CDC7: variants seen among roughly 807,000 people sequenced by gnomAD.
CDC7 encodes the protein cell division cycle 7.
CDC7 carries 34 observed loss-of-function variants against 53.5 expected under a neutral mutation model. That is an observed-to-expected ratio of 0.64 (90% confidence interval 0.48 to 0.85). The LOEUF is 0.85. Among genes scored for constraint, CDC7 ranks in the 40% least tolerant of loss-of-function variants. The pLI, the probability that CDC7 is intolerant of heterozygous loss-of-function variation, is 0.00. For missense variants in CDC7, 594 were observed against 679.7 expected, an observed-to-expected ratio of 0.87 and a Z score of 1.40; for synonymous variants, 211 against 222.8, an observed-to-expected ratio of 0.95 and a Z score of 0.47.
At chr1:91,511,130 C>T (rs914249774) in intron 4 of CDC7, among the ~76,000 whole-genome samples, 3 of 152,112 alleles carry the variant, frequency 2.0e-5, no homozygotes, top group Non-Finnish European at 4.4e-5. Flanking sequence ...TGTTTTCTTA[C>T]TCAGGCTCAA....
In CDC7 at chr1:91,524,374, C is replaced by G; in HGVS notation, c.1664C>G (p.Ala555Gly). 3 of 1,613,006 alleles carry G rather than the reference C, an allele frequency of 1.9e-6. No individual in the cohort carries two copies. Among genetic ancestry groups the G allele is most frequent in the Non-Finnish European group, 2.5e-6 (3 of 1,179,746 alleles). ...GATAAACTTCTAGATCTAAATCCAGCTTCAAGAATAACAGCAGAAGAAGCT... is the reference window on the plus strand; with the variant it reads ...GATAAACTTCTAGATCTAAATCCAGGTTCAAGAATAACAGCAGAAGAAGCT... ...LLDKLLDLNP[A>G]SRITAEEALL... is the part of the protein sequence containing the mutation. The change falls in exon 12 of 12, where the codon GCT (alanine) becomes GGT (glycine). Residue 555 changes from alanine to glycine, a missense_variant. Coordinates refer to ENST00000234626, the MANE Select transcript of CDC7 (RefSeq NM_003503.4).
Position 91,524,161 on chromosome 1 carries a change from C to T in CDC7, c.1451C>T (p.Ser484Phe), listed in dbSNP as rs575030666. The change falls in exon 12 of 12, where the codon TCT becomes TTT. Residue 484 changes from serine (S) to phenylalanine (F), a missense_variant. Transcript: ENST00000234626. ...KLTSDIQGHA[S>F]HQPAISEKTD... Reference sequence around the variant, plus strand: ...ACAAGTGATATACAAGGGCATGCTTCTCATCAACCAGCTATTTCAGAGAAG... The same window carrying T: ...ACAAGTGATATACAAGGGCATGCTTTTCATCAACCAGCTATTTCAGAGAAG... 6.2e-7 allele frequency: 1 copy of T among 1,614,054 alleles called. No individual in the cohort carries two copies. The highest frequency in any genetic ancestry group is 1.1e-5 in the South Asian group (1 of 91,070).
At chr1:91,502,012 ACTGTAATACAAC>A (rs1666717145) in intron 2 of CDC7, among the ~76,000 whole-genome samples, 181 bp downstream of exon 2, 1 of 152,192 alleles carries the variant, frequency 6.6e-6, no homozygotes, top group Non-Finnish European at 1.5e-5. Context: ...GATTTGGAAG[ACTGTAATACAAC>A]CTGTTTTACG....
intron 10 of CDC7, among the ~76,000 whole-genome samples, chr1:91,516,286 T>C (rs1192809383): frequency 6.6e-6 from 1 of 152,140 alleles, no homozygotes; most frequent in Non-Finnish European, 1.5e-5. Flanking sequence ...AAGTTTCCTG[T>C]GATGTAGATA....
chr1:91,501,463 C>A (rs1666671166), intron 1 of CDC7, 191 bp from the exon 2 acceptor site: 1 of 389,478 alleles, frequency 2.6e-6, no homozygotes, highest in Non-Finnish European at 4.6e-6. Flanking sequence ...CCTGCAGCCC[C>A]CTGCCGGTGT....
chr1:91,512,826 T>C (rs1249638210), intron 6 of CDC7, among the ~76,000 whole-genome samples: 2 of 152,180 alleles, frequency 1.3e-5, no homozygotes, highest in Non-Finnish European at 2.9e-5. Flanking sequence ...CACAGACCAC[T>C]GGAAAAAGAA....
intron 11 of CDC7, among the ~76,000 whole-genome samples, chr1:91,523,778 G>C (rs1281531839): frequency 1.3e-5 from 2 of 152,172 alleles, no homozygotes; most frequent in Non-Finnish European, 2.9e-5. Flanking sequence ...GCAGAGTCAA[G>C]TGAGTGCCTG....
Position 91,501,822 on chromosome 1 carries a change from A to T in CDC7, c.106A>T (p.Lys36Ter). 6.2e-7 allele frequency: 1 copy of T among 1,612,262 alleles called. No homozygotes were observed. Among genetic ancestry groups the T allele is most frequent in the Non-Finnish European group, 8.5e-7 (1 of 1,178,282 alleles). The part of the protein sequence containing the change: ...GSLKKNEQNF[K>*]LAGVKKDIEK... ...TTTAAAAAAAAACGAGCAGAATTTT[A>T]AACTTGCAGGTACGTGTTTAAATCC... is the stretch of plus-strand genomic sequence containing the variant. The change falls in exon 2 of 12, where the codon AAA (lysine) becomes TAA (stop). Residue 36 changes from lysine (K) to a stop codon, truncating the protein, a stop_gained. Coordinates refer to ENST00000234626, the MANE Select transcript of CDC7 (RefSeq NM_003503.4). LOFTEE classifies it high-confidence loss of function.
intron 4 of CDC7, 125 bp downstream of exon 4, chr1:91,508,522 T>A: frequency 1.4e-6 from 1 of 704,112 alleles, no homozygotes; most frequent in Non-Finnish European, 2.3e-6. Context: ...GTGTTTGCAA[T>A]TTGCTAGCAC....
In CDC7 at chr1:91,524,516, G is replaced by C. The variant is rs1326797916; in HGVS notation, c.*81G>C. The C allele has an allele frequency of 9.5e-7, 1 of 1,049,734 alleles. No individual in the cohort carries two copies. The highest frequency in any genetic ancestry group is 1.6e-5 in the African/African-American group (1 of 62,738). The allele number at this position is 1,049,734 out of a possible 1,614,324, so 65.0% of individuals were successfully genotyped here. On this transcript the variant is annotated 3_prime_UTR_variant, in exon 12 of 12. Coordinates refer to ENST00000234626, the MANE Select transcript of CDC7 (RefSeq NM_003503.4). ...TGTAATAGCCACAAGTTCTTGTTTA[G>C]AGACCAGAGCAGGATTAATAATTTA...
intron 10 of CDC7, among the ~76,000 whole-genome samples, chr1:91,518,495 G>A (rs949341590): frequency 1.1e-4 from 17 of 152,116 alleles, no homozygotes; most frequent in Admixed American, 2.0e-4. Context: ...CTAAGTGTCC[G>A]TCAACAGATG....
chr1:91,512,092 G>A (rs1667318142), intron 6 of CDC7, among the ~76,000 whole-genome samples, 169 bp downstream of exon 6: 1 of 151,972 alleles, frequency 6.6e-6, no homozygotes, highest in Non-Finnish European at 1.5e-5. Context: ...TACGGCAAGA[G>A]CAGCTAAAAT....
At position 91,524,064 on chromosome 1, in the gene CDC7, G is replaced by A. The variant is rs911477809; in HGVS notation, c.1354G>A (p.Glu452Lys). 1.3e-6 allele frequency: 2 copies of A among 1,599,298 alleles called. No individual in the cohort carries two copies. Among genetic ancestry groups the A allele is most frequent in the African/African-American group, 1.3e-5 (1 of 74,160 alleles). The stretch of plus-strand genomic sequence containing the variant: ...AGGGAAATCAATATTATGTAGCAAA[G>A]AAGTTCCAGCACAAGACTTGAGAAA... ...TFGKSILCSK[E>K]VPAQDLRKLC... is the part of the protein sequence containing the mutation. Residue 452 changes from glutamate (E) to lysine (K), a missense_variant, in exon 12 of 12, where the codon GAA becomes AAA. Coordinates refer to ENST00000234626, the MANE Select transcript of CDC7 (RefSeq NM_003503.4).
intron 6 of CDC7, among the ~76,000 whole-genome samples, chr1:91,512,182 A>G (rs1667320522): frequency 6.6e-6 from 1 of 152,022 alleles, no homozygotes; most frequent in African/African-American, 2.4e-5. Context: ...GTCTAGATTT[A>G]TTTATCCTAC....
At chr1:91,520,501 C>T (rs1449116278) in intron 11 of CDC7, among the ~76,000 whole-genome samples, 1 of 152,082 alleles carries the variant, frequency 6.6e-6, no homozygotes, top group Non-Finnish European at 1.5e-5. Context: ...TACACTGTTG[C>T]AGTATTTAAA....
chr1:91,510,395 C>T (rs1667221030), intron 4 of CDC7, among the ~76,000 whole-genome samples: 2 of 151,948 alleles, frequency 1.3e-5, no homozygotes, highest in Admixed American at 1.3e-4. Context: ...TAGTAAACTC[C>T]ATGAGGACAG....
chr1:91,501,912 T>C (rs568634978), intron 2 of CDC7, 81 bp downstream of exon 2: 2 of 981,702 alleles, frequency 2.0e-6, no homozygotes, highest in Non-Finnish European at 3.2e-6. Context: ...TCTCAAAAAA[T>C]AAGATTGAAT....
At chr1:91,513,781 T>G (rs930896059) in intron 7 of CDC7, among the ~76,000 whole-genome samples, 167 bp from the exon 8 acceptor site, 35 of 152,192 alleles carry the variant, frequency 2.3e-4, no homozygotes, top group African/African-American at 8.4e-4. Context: ...GAGTTCTGTC[T>G]AGACTATTTT....
chr1:91,515,649 C>A, intron 9 of CDC7, 145 bp from the exon 10 acceptor site: 3 of 911,040 alleles, frequency 3.3e-6, no homozygotes, highest in Non-Finnish European at 4.8e-6. Context: ...ATTTTTATCA[C>A]ACTAGATTAT....
Sources: allele counts gnomAD v4.1 joint callset (sites outside exome capture counted in the v4.1 genomes callset), GRCh38; gene constraint gnomAD v4.1.1; transcripts MANE v1.5; gene names NCBI Gene and HGNC (gene_info 2026-07-23, HGNC 2026-07-21).